The following RALGPS2 variants were observed in gnomAD, a reference collection of about 807,000 sequenced individuals.
RALGPS2 encodes Ral GEF with PH domain and SH3 binding motif 2, also known as ras-specific guanine nucleotide-releasing factor RalGPS2.
Under a neutral mutation model 86.8 loss-of-function variants are expected in RALGPS2, and 43 were observed. The ratio of observed to expected loss-of-function variants is 0.50; its 90% CI spans 0.39 to 0.64. RALGPS2 has a LOEUF of 0.64. RALGPS2 is among the 30% of genes least tolerant of loss of function. The pLI is 0.00. For missense variants in RALGPS2, 536 were observed against 694.6 expected (o/e 0.77, Z 2.57); for synonymous variants, 243 against 231.3 (o/e 1.05, Z -0.46).
At chr1:178,888,496 G>A (rs1659584239) in intron 13 of RALGPS2, among the ~76,000 whole-genome samples, 1 of 152,090 alleles carries the variant, frequency 6.6e-6, no homozygotes, top group Admixed American at 6.6e-5. Flanking sequence ...AGCTAACTAA[G>A]AGAAGCATAT....
chr1:178,904,543 G>A (rs1660313621), intron 18 of RALGPS2, among the ~76,000 whole-genome samples: 1 of 152,154 alleles, frequency 6.6e-6, no homozygotes, highest in African/African-American at 2.4e-5. Flanking sequence ...TGAGAGATGA[G>A]GATCCAGTTT....
chr1:178,877,141 A>G (rs1459489934), intron 8 of RALGPS2, among the ~76,000 whole-genome samples: 3 of 152,154 alleles, frequency 2.0e-5, no homozygotes, highest in Non-Finnish European at 4.4e-5. Flanking sequence ...ATAACTCTCC[A>G]TTATGAAACT....
At chr1:178,768,553 A>G (rs1166625127) in intron 1 of RALGPS2, among the ~76,000 whole-genome samples, 1 of 152,234 alleles carries the variant, frequency 6.6e-6, no homozygotes, top group Non-Finnish European at 1.5e-5. Flanking sequence ...AGCTGTGGCC[A>G]AAGTGGCTGG....
At chr1:178,797,472 A>T (rs1654251490) in intron 4 of RALGPS2, among the ~76,000 whole-genome samples, 1 of 152,160 alleles carries the variant, frequency 6.6e-6, no homozygotes, top group Admixed American at 6.6e-5. Flanking sequence ...TAGCTTCATA[A>T]TTCATTATGT....
rs1325079666 is a variant in RALGPS2, at chr1:178,864,886, G to A, written c.608-12612G>A. ...CAAAATGAATAAGCATTTATTATGA[G>A]CATTGTTTCATAAGGCATAAAAATA... On this transcript the variant is annotated intron_variant, in intron 8 of 19. Coordinates refer to ENST00000367635, the MANE Select transcript of RALGPS2 (RefSeq NM_152663.5). 4 of 1,066,656 alleles carry A rather than the reference G, an allele frequency of 3.8e-6. No homozygotes were observed. In the Admixed American group the frequency reaches 8.7e-5, roughly 23 times the overall value. 66.1% of individuals were successfully genotyped at this position (1,066,656 alleles called of 1,614,324 possible).
At chr1:178,874,662 T>C (rs550602052) in intron 8 of RALGPS2, among the ~76,000 whole-genome samples, 4 of 152,376 alleles carry the variant, frequency 2.6e-5, no homozygotes, top group Non-Finnish European at 5.9e-5. Context: ...GATGTACATA[T>C]GCCAACATCC....
At chr1:178,753,835 AG>A (rs1651807918) in intron 1 of RALGPS2, 1 of 151,682 alleles carries the variant, frequency 6.6e-6, no homozygotes, top group Non-Finnish European at 1.5e-5. Flanking sequence ...TGCAGGTTGA[AG>A]GTTTTTTTTT....
At chr1:178,749,656 A>G (rs1558101378) in intron 1 of RALGPS2, among the ~76,000 whole-genome samples, 1 of 152,168 alleles carries the variant, frequency 6.6e-6, no homozygotes, top group African/African-American at 2.4e-5. Context: ...ATTCAATTTG[A>G]TGAGGATCTT....
At chr1:178,837,441 G>C (rs191824469) in intron 8 of RALGPS2, among the ~76,000 whole-genome samples, 26 of 152,270 alleles carry the variant, frequency 1.7e-4, no homozygotes, top group Admixed American at 1.2e-3. Flanking sequence ...CCACACTACA[G>C]CCTGGTGTTT....
At chr1:178,874,827 G>T (rs1482084578) in intron 8 of RALGPS2, among the ~76,000 whole-genome samples, 1 of 152,082 alleles carries the variant, frequency 6.6e-6, no homozygotes, top group South Asian at 2.1e-4. Flanking sequence ...TCACCATGTT[G>T]CCCAGACTGG....
chr1:178,869,904 C>A (rs1279217394), intron 8 of RALGPS2, among the ~76,000 whole-genome samples: 2 of 151,912 alleles, frequency 1.3e-5, no homozygotes, highest in African/African-American at 4.8e-5. Flanking sequence ...TTGAAGGAAA[C>A]CTCTTATGTG....
chr1:178,868,824 AT>A (rs914386868), intron 8 of RALGPS2, among the ~76,000 whole-genome samples: 24 of 151,580 alleles, frequency 1.6e-4, no homozygotes, highest in Admixed American at 6.6e-4. Flanking sequence ...AATAAATATA[AT>A]TTTTTTTTAA....
intron 19 of RALGPS2, among the ~76,000 whole-genome samples, chr1:178,914,407 T>C (rs902793210): frequency 4.6e-5 from 7 of 152,210 alleles, no homozygotes; most frequent in Admixed American, 2.6e-4. Flanking sequence ...GTTACTTTAC[T>C]CACCCCTTCC....
rs71108081 is a variant in RALGPS2, at chr1:178,856,394, A to ATTTTTTTTTTTTT, written c.608-21084_608-21072dup. Among the ~76,000 whole-genome samples the ATTTTTTTTTTTTT allele has an allele frequency of 4.7e-3, 170 of 36,434 alleles. 44 individuals carry two copies. Among genetic ancestry groups the ATTTTTTTTTTTTT allele is most frequent in the African/African-American group, 7.1e-3 (49 of 6,866 alleles). 23.9% of individuals were successfully genotyped at this position (36,434 alleles called of 152,430 possible). ...AGGCAAGTGCCACCCTGCCTGGCTA[A>ATTTTTTTTTTTTT]TTTTTTTTTTTTTTTTTTTTTTTTT... On this transcript the variant is annotated intron_variant, in intron 8 of 19. Coordinates refer to ENST00000367635, the MANE Select transcript of RALGPS2 (RefSeq NM_152663.5).
intron 8 of RALGPS2, among the ~76,000 whole-genome samples, chr1:178,861,137 G>C (rs1047029922): frequency 6.6e-6 from 1 of 151,742 alleles, no homozygotes; most frequent in Admixed American, 6.6e-5. Flanking sequence ...GGTAGAACCA[G>C]GTGTTCTTAA....
chr1:178,773,068 C>CT (rs1475917639), intron 1 of RALGPS2, among the ~76,000 whole-genome samples: 1 of 152,208 alleles, frequency 6.6e-6, no homozygotes, highest in East Asian at 1.9e-4. Context: ...TTCCAAAGTG[C>CT]TAGGATTACA....
At chr1:178,811,206 A>G (rs1272248497) in intron 5 of RALGPS2, 109 bp from the exon 6 acceptor site, 4 of 676,824 alleles carry the variant, frequency 5.9e-6, no homozygotes, top group South Asian at 4.2e-5. Context: ...ACCTTTAACA[A>G]TGTTTAATTT....
chr1:178,754,236 A>T (rs180852892), intron 1 of RALGPS2, among the ~76,000 whole-genome samples: 106 of 150,696 alleles, frequency 7.0e-4, no homozygotes, highest in African/African-American at 2.5e-3. Flanking sequence ...ATATTTTATT[A>T]TATATATAAT....
In RALGPS2 at chr1:178,797,398, A is replaced by T. The variant is rs368903604; in HGVS notation, c.214-10647A>T. On this transcript the variant is annotated intron_variant, in intron 4 of 19. Coordinates refer to ENST00000367635, the MANE Select transcript of RALGPS2 (RefSeq NM_152663.5). The stretch of plus-strand genomic sequence containing the variant: ...AAAATTCCTTTAATGCCAGGTAACC[A>T]TAAATGCATGTCAAAGTTTAAGAAG... Among the ~76,000 whole-genome samples the T allele has an allele frequency of 4.6e-5, 7 of 152,166 alleles. 1 individual carries two copies. In the East Asian group the frequency reaches 5.8e-4, roughly 13 times the overall value.
Sources: allele counts gnomAD v4.1 joint callset (sites outside exome capture counted in the v4.1 genomes callset), GRCh38; gene constraint gnomAD v4.1.1; transcripts MANE v1.5; gene names NCBI Gene and HGNC (gene_info 2026-07-23, HGNC 2026-07-21).